Variants in SV2C observed in about 807,000 individuals in gnomAD.
SV2C encodes the protein synaptic vesicle glycoprotein 2C.
SV2C carries 49 observed loss-of-function variants against 79.7 expected under a neutral mutation model. That is an observed-to-expected ratio of 0.61 (90% confidence interval 0.49 to 0.78). SV2C has a LOEUF of 0.78. Among genes scored for constraint, SV2C ranks in the 30% least tolerant of loss-of-function variants. The pLI, the probability that SV2C is intolerant of heterozygous loss-of-function variation, is 0.00. For missense variants in SV2C, 833 were observed against 912.9 expected, an observed-to-expected ratio of 0.91 and a Z score of 1.13; for synonymous variants, 334 against 333.2, an observed-to-expected ratio of 1.00 and a Z score of -0.03.
chr5:76,165,476 T>G (rs1743018600), intron 2 of SV2C, among the ~76,000 whole-genome samples: 1 of 152,196 alleles, frequency 6.6e-6, no homozygotes, highest in South Asian at 2.1e-4. Context: ...AAGAAACTCC[T>G]TCATGTTACT....
At chr5:75,855,558 C>T in the SV2C span, among the ~76,000 whole-genome samples, 1 of 152,052 alleles carries the variant, frequency 6.6e-6, no homozygotes, top group African/African-American at 2.4e-5. Context: ...TCACTTAGTG[C>T]CTCTGTGTCA....
chr5:75,865,602 G>A, the SV2C span, among the ~76,000 whole-genome samples: 3,726 of 152,272 alleles, frequency 0.024, 160 homozygotes, highest in African/African-American at 0.085. Flanking sequence ...GACCTGATGT[G>A]AGAATACATT....
chr5:76,058,693 G>A, the SV2C span, among the ~76,000 whole-genome samples: 1 of 152,020 alleles, frequency 6.6e-6, no homozygotes, highest in Non-Finnish European at 1.5e-5. Context: ...GAGATAATTT[G>A]CCTTATAATA....
intron 4 of SV2C, among the ~76,000 whole-genome samples, chr5:76,269,856 C>T (rs973492593): frequency 6.6e-6 from 1 of 152,210 alleles, no homozygotes; most frequent in Non-Finnish European, 1.5e-5. Flanking sequence ...GTCCCAGACT[C>T]AGTCACTCTG....
intron 4 of SV2C, among the ~76,000 whole-genome samples, chr5:76,220,992 G>A (rs563711690): frequency 2.6e-5 from 4 of 152,296 alleles, no homozygotes; most frequent in Admixed American, 6.5e-5. Context: ...TTTATTCCCG[G>A]CAGCAGGGAG....
At chr5:75,972,976 A>G in the SV2C span, among the ~76,000 whole-genome samples, 1 of 152,110 alleles carries the variant, frequency 6.6e-6, no homozygotes. Context: ...GCACCTATAT[A>G]CCATGGAATA....
At chr5:76,067,596 T>C in the SV2C span, among the ~76,000 whole-genome samples, 6 of 152,056 alleles carry the variant, frequency 3.9e-5, no homozygotes, top group African/African-American at 1.4e-4. Flanking sequence ...TTCATGTGGT[T>C]AGGATCTAGA....
chr5:76,344,994 A>G (rs553764916), intron 12 of SV2C, among the ~76,000 whole-genome samples: 9 of 152,312 alleles, frequency 5.9e-5, no homozygotes, highest in East Asian at 3.9e-4. Context: ...AACGTGCACA[A>G]TCTTAACTAC....
chr5:76,118,828 C>T (rs374047458), intron 1 of SV2C, among the ~76,000 whole-genome samples: 146 of 152,134 alleles, frequency 9.6e-4, no homozygotes, highest in African/African-American at 3.3e-3. Context: ...CTAAAAATAC[C>T]AAAAGTTAGC....
chr5:76,294,953 A>G (rs1321935429), intron 8 of SV2C, among the ~76,000 whole-genome samples: 1 of 152,144 alleles, frequency 6.6e-6, no homozygotes, highest in Non-Finnish European at 1.5e-5. Context: ...ATTCCCCATT[A>G]GCAAAAGAGG....
At chr5:76,242,322 A>G in intron 4 of SV2C, 3 of 1,459,874 alleles carry the variant, frequency 2.1e-6, no homozygotes, top group Non-Finnish European at 2.8e-6. Context: ...GCAGCGGGAC[A>G]TAGGTGCTGG....
the SV2C span, among the ~76,000 whole-genome samples, chr5:76,068,837 G>T: frequency 6.6e-6 from 1 of 151,998 alleles, no homozygotes; most frequent in Non-Finnish European, 1.5e-5. Flanking sequence ...TCACCTTAAA[G>T]GATACACAGC....
intron 4 of SV2C, among the ~76,000 whole-genome samples, chr5:76,269,460 A>G (rs548414214): frequency 1.8e-4 from 27 of 152,316 alleles, no homozygotes; most frequent in Admixed American, 4.6e-4. Flanking sequence ...GGCAGCCAAC[A>G]AGATCGTTGA....
At chr5:76,127,952 A>C (rs553264989) in intron 1 of SV2C, among the ~76,000 whole-genome samples, 24 of 152,218 alleles carry the variant, frequency 1.6e-4, no homozygotes, top group African/African-American at 5.8e-4. Context: ...CTTACTCTTT[A>C]ATAAATGATT....
chr5:76,018,513 G>T, the SV2C span, among the ~76,000 whole-genome samples: 4 of 152,116 alleles, frequency 2.6e-5, no homozygotes, highest in Non-Finnish European at 2.9e-5. Flanking sequence ...TAATGACATT[G>T]CTTAAAACAG....
chr5:75,861,107 A>T, the SV2C span, among the ~76,000 whole-genome samples: 1 of 152,236 alleles, frequency 6.6e-6, no homozygotes, highest in African/African-American at 2.4e-5. Flanking sequence ...CAGAATCTGT[A>T]AGGAACATAA....
chr5:76,007,066 T>G, the SV2C span, among the ~76,000 whole-genome samples: 4 of 152,240 alleles, frequency 2.6e-5, no homozygotes, highest in South Asian at 8.3e-4. Flanking sequence ...GGCACTGCGA[T>G]GTTGGATAGT....
rs760699938 is a variant in SV2C, at chr5:76,173,720, T to C, written c.581-21199T>C. On this transcript the variant is annotated intron_variant, in intron 2 of 12. Transcript: ENST00000502798. ...CCGCACTAGGTCATAAAAGATCTCATTAACATTTATTTTTGATTTTGCAGA... is the reference window on the plus strand; with the variant it reads ...CCGCACTAGGTCATAAAAGATCTCACTAACATTTATTTTTGATTTTGCAGA... 6.8e-6 allele frequency: 11 copies of C among 1,613,524 alleles called. No homozygotes were observed. The South Asian group carries it at 1.2e-4, about 18-fold the overall frequency.
intron 4 of SV2C, among the ~76,000 whole-genome samples, chr5:76,245,938 G>GTA (rs1745934815): frequency 7.1e-6 from 1 of 141,822 alleles, no homozygotes; most frequent in South Asian, 2.1e-4. Flanking sequence ...GTGTGTGTAT[G>GTA]TGTGTGTGTG....
Sources: gnomAD v4.1 joint callset for allele counts (sites outside exome capture counted in the v4.1 genomes callset) on GRCh38, gnomAD v4.1.1 for gene constraint, MANE v1.5 for transcripts, NCBI Gene and HGNC (gene_info 2026-07-23, HGNC 2026-07-21) for gene names.